Variants in MGAT5 observed in about 807,000 individuals in gnomAD.
MGAT5 encodes alpha-1,6-mannosylglycoprotein 6-beta-N-acetylglucosaminyltransferase A.
A neutral mutation model predicts 94.3 loss-of-function variants in MGAT5; 30 were observed. The observed-to-expected ratio is 0.32, with a 90% CI of 0.24 to 0.43. The LOEUF (loss-of-function observed/expected upper bound fraction) is 0.43. MGAT5 is among the 20% of genes least tolerant of loss of function. MGAT5 has a pLI of 1.00. For missense variants in MGAT5, 691 were observed against 905.5 expected (o/e 0.76, Z 3.04); for synonymous variants, 310 against 322.9 (o/e 0.96, Z 0.43).
At chr2:134,137,157 T>A (rs1234362534) in intron 1 of MGAT5, among the ~76,000 whole-genome samples, 1 of 152,218 alleles carries the variant, frequency 6.6e-6, no homozygotes, top group Non-Finnish European at 1.5e-5. Flanking sequence ...CTTGGTATGC[T>A]TTAAGGTTAT....
chr2:134,416,474 CTT>C (rs71275904), intron 12 of MGAT5, among the ~76,000 whole-genome samples: 1 of 139,140 alleles, frequency 7.2e-6, no homozygotes. Context: ...TCATTCCTTA[CTT>C]TTTTTTTTTG....
intron 4 of MGAT5, among the ~76,000 whole-genome samples, chr2:134,329,191 C>G (rs2105944880): frequency 6.6e-6 from 1 of 152,142 alleles, no homozygotes; most frequent in South Asian, 2.1e-4. Flanking sequence ...TTGGGACTTG[C>G]AAGGAGGTTG....
intron 2 of MGAT5, among the ~76,000 whole-genome samples, chr2:134,310,332 C>T (rs553014534): frequency 2.0e-5 from 3 of 152,300 alleles, no homozygotes; most frequent in African/African-American, 7.2e-5. Context: ...GAGTGCTTTG[C>T]ATATGGAAGG....
intron 1 of MGAT5, among the ~76,000 whole-genome samples, chr2:134,255,399 A>G (rs1682878129): frequency 1.3e-5 from 2 of 151,620 alleles, no homozygotes; most frequent in South Asian, 4.1e-4. Context: ...TACTCCAGGC[A>G]ATAACCACAA....
intron 1 of MGAT5, among the ~76,000 whole-genome samples, chr2:134,236,997 A>C (rs906890520): frequency 6.6e-6 from 1 of 152,180 alleles, no homozygotes; most frequent in Non-Finnish European, 1.5e-5. Flanking sequence ...TATAATTGCA[A>C]GAGAAAAATA....
At chr2:134,335,824 C>T (rs1489573013) in intron 4 of MGAT5, among the ~76,000 whole-genome samples, 2 of 152,130 alleles carry the variant, frequency 1.3e-5, no homozygotes, top group African/African-American at 4.8e-5. Context: ...AAGGATCTTT[C>T]CTGTCCATTT....
Position 134,348,449 on chromosome 2 carries a change from G to A in MGAT5, c.1113-1356G>A, listed in dbSNP as rs543979931. Among the ~76,000 whole-genome samples the A allele has an allele frequency of 2.6e-5, 4 of 152,286 alleles. No homozygotes were observed. The South Asian group carries it at 8.3e-4, about 32-fold the overall frequency. The stretch of plus-strand genomic sequence containing the variant: ...CTTTTCTTCACTTCCTGGCCTTGAC[G>A]AATGGTAGTGATCTCTAATGACAAA... On this transcript the variant is annotated intron_variant, in intron 8 of 15. Transcript: ENST00000281923.
At chr2:134,395,951 G>A (rs1327049957) in intron 10 of MGAT5, among the ~76,000 whole-genome samples, 1 of 152,214 alleles carries the variant, frequency 6.6e-6, no homozygotes, top group Non-Finnish European at 1.5e-5. Flanking sequence ...AAATGTGGAG[G>A]CCAGTACATG....
intron 4 of MGAT5, among the ~76,000 whole-genome samples, chr2:134,331,225 A>G (rs1429950851): frequency 6.6e-6 from 1 of 152,126 alleles, no homozygotes; most frequent in African/African-American, 2.4e-5. Context: ...GAGGAATGTC[A>G]AAAAAACAAA....
chr2:134,257,292 G>C (rs1167271637), intron 1 of MGAT5, among the ~76,000 whole-genome samples: 3 of 152,126 alleles, frequency 2.0e-5, no homozygotes, highest in Non-Finnish European at 4.4e-5. Context: ...GAGTGCAGTG[G>C]TGTGATCTTG....
intron 8 of MGAT5, among the ~76,000 whole-genome samples, chr2:134,348,622 T>G (rs765755773): frequency 4.1e-4 from 63 of 152,230 alleles, no homozygotes; most frequent in Admixed American, 1.4e-3. Flanking sequence ...TGAGCCAGAT[T>G]TTTAGAAGTC....
intron 2 of MGAT5, among the ~76,000 whole-genome samples, chr2:134,283,485 G>A (rs1257202): frequency 0.97 from 147,950 of 152,122 alleles, 72,002 homozygotes; most frequent in East Asian, 1. Flanking sequence ...TCAAAGAAGG[G>A]GCTAAATAAA....
intron 1 of MGAT5, among the ~76,000 whole-genome samples, chr2:134,180,199 T>C (rs540418301): frequency 1.3e-5 from 2 of 152,338 alleles, no homozygotes; most frequent in South Asian, 4.1e-4. Context: ...ATGCTGCCGC[T>C]CTGCCTGTGG....
At position 134,452,854 on chromosome 2, in the gene MGAT5, A is replaced by G. The variant is rs903666630; in HGVS notation, c.*4007A>G. On this transcript the variant is annotated 3_prime_UTR_variant, in exon 16 of 16. Coordinates refer to ENST00000281923, the MANE Select transcript of MGAT5 (RefSeq NM_002410.5). ...CATCTTCATGTGAGTAGACGGATGG[A>G]CATAAATAGATTCATGCTCATTTAG... is the stretch of plus-strand genomic sequence containing the variant. 4 of 152,262 alleles carry G rather than the reference A, an allele frequency of 2.6e-5. No homozygotes were observed. Among genetic ancestry groups the G allele is most frequent in the Non-Finnish European group, 5.9e-5 (4 of 68,050 alleles). The allele number at this position is 152,262 out of a possible 1,614,324, so 9.4% of individuals were successfully genotyped here.
chr2:134,277,773 A>T (rs957280292), intron 2 of MGAT5, among the ~76,000 whole-genome samples: 2 of 152,254 alleles, frequency 1.3e-5, no homozygotes, highest in Non-Finnish European at 2.9e-5. Context: ...TCTTATTTGG[A>T]TATCACCACT....
intron 1 of MGAT5, among the ~76,000 whole-genome samples, chr2:134,259,299 G>A (rs1683174021): frequency 6.6e-6 from 1 of 152,196 alleles, no homozygotes; most frequent in Non-Finnish European, 1.5e-5. Context: ...CGGGAATTGT[G>A]TCATGGATGG....
At chr2:134,264,317 C>T (rs907096117) in intron 1 of MGAT5, among the ~76,000 whole-genome samples, 8 of 152,230 alleles carry the variant, frequency 5.3e-5, no homozygotes, top group South Asian at 4.1e-4. Flanking sequence ...CCACCGCACC[C>T]GGCCAGCCAT....
At chr2:134,293,825 C>A (rs1333137663) in intron 2 of MGAT5, among the ~76,000 whole-genome samples, 1 of 152,124 alleles carries the variant, frequency 6.6e-6, no homozygotes, top group African/African-American at 2.4e-5. Flanking sequence ...TTGGCTGACA[C>A]CATGATGTGT....
intron 2 of MGAT5, among the ~76,000 whole-genome samples, chr2:134,274,717 T>C (rs6757084): frequency 0.14 from 21,087 of 152,198 alleles, 2,858 homozygotes; most frequent in East Asian, 0.32. Context: ...GATGACTTAA[T>C]AATTGCAAGG....
Sources: allele counts gnomAD v4.1 joint callset (sites outside exome capture counted in the v4.1 genomes callset), GRCh38; gene constraint gnomAD v4.1.1; transcripts MANE v1.5; gene names NCBI Gene and HGNC (gene_info 2026-07-23, HGNC 2026-07-21).